Variants in GRIN3A observed in about 807,000 individuals in gnomAD.
GRIN3A encodes the protein glutamate receptor ionotropic, NMDA 3A.
GRIN3A carries 47 observed loss-of-function variants against 92.4 expected under a neutral mutation model. That is an observed-to-expected ratio of 0.51 (90% CI 0.40 to 0.65). The LOEUF (loss-of-function observed/expected upper bound fraction) is 0.65. Among genes scored for constraint, GRIN3A ranks in the 30% least tolerant of loss-of-function variants. GRIN3A has a pLI of 0.00. For synonymous variants in GRIN3A, 527 were observed against 540.6 expected (o/e 0.97, Z 0.35); for missense variants, 1,324 against 1,393.1 (o/e 0.95, Z 0.79).
At chr9:101,597,128 A>G (rs901007240) in intron 6 of GRIN3A, among the ~76,000 whole-genome samples, 1 of 152,194 alleles carries the variant, frequency 6.6e-6, no homozygotes. Context: ...GACAGATTCC[A>G]AGTTAAGACT....
At chr9:101,607,288 G>A (rs2118836448) in intron 6 of GRIN3A, among the ~76,000 whole-genome samples, 1 of 152,168 alleles carries the variant, frequency 6.6e-6, no homozygotes, top group South Asian at 2.1e-4. Flanking sequence ...TGCTAGAAAT[G>A]GGGGAAAAAG....
chr9:101,633,484 G>A (rs764093222), intron 3 of GRIN3A, among the ~76,000 whole-genome samples: 12 of 152,166 alleles, frequency 7.9e-5, no homozygotes, highest in East Asian at 3.9e-4. Context: ...ATCAGTGGAC[G>A]ATTAGCAGGG....
rs973722651 is a variant in GRIN3A, at chr9:101,738,243, G to A, written c.-264C>T. ...CGCTGAGCAGGCAGGCGGGCGGGCC[G>A]GCGCCTGTCACCCGCAGCTGGAGCG... On this transcript the variant is annotated 5_prime_UTR_variant, in exon 1 of 9. Transcript: ENST00000361820. 4 of 516,556 alleles carry A rather than the reference G, an allele frequency of 7.7e-6. No individual in the cohort carries two copies. Among genetic ancestry groups the A allele is most frequent in the Non-Finnish European group, 1.4e-5 (4 of 289,320 alleles). The allele number at this position is 516,556 out of a possible 1,614,324, so 32.0% of individuals were successfully genotyped here. A position where few individuals can be genotyped will look rare whatever the true frequency, so the allele number is the denominator to read the frequency against.
At position 101,700,769 on chromosome 9, in the gene GRIN3A, A is replaced by G. The variant is rs186590415; in HGVS notation, c.700-13569T>C. 4.6e-5 allele frequency among the ~76,000 whole-genome samples: 7 copies of G among 152,328 alleles called. No individual in the cohort carries two copies. The East Asian group carries it at 1.3e-3, about 29-fold the overall frequency. ...GAGGTACCATTATAGAACTGGAGAC[A>G]TAACTGAAATTTCAGTAATCCACAT... On this transcript the variant is annotated intron_variant, in intron 1 of 8. Coordinates refer to ENST00000361820, the MANE Select transcript of GRIN3A (RefSeq NM_133445.3).
intron 5 of GRIN3A, among the ~76,000 whole-genome samples, chr9:101,616,739 G>T (rs62577388): frequency 0.099 from 10,976 of 111,162 alleles, 1,098 homozygotes; most frequent in African/African-American, 0.27. Flanking sequence ...TGGGGACTGT[G>T]GTGGGGTGGG....
At chr9:101,703,152 C>T (rs1829775191) in intron 1 of GRIN3A, among the ~76,000 whole-genome samples, 1 of 152,178 alleles carries the variant, frequency 6.6e-6, no homozygotes, top group African/African-American at 2.4e-5. Context: ...TTTTCCTTTG[C>T]TTAAAACACT....
chr9:101,715,769 G>C (rs1829938409), intron 1 of GRIN3A, among the ~76,000 whole-genome samples: 1 of 152,054 alleles, frequency 6.6e-6, no homozygotes, highest in Non-Finnish European at 1.5e-5. Flanking sequence ...TGATTACTAT[G>C]AGCAAAACAG....
chr9:101,640,902 A>G (rs1828851491), intron 3 of GRIN3A, among the ~76,000 whole-genome samples: 1 of 151,968 alleles, frequency 6.6e-6, no homozygotes, highest in African/African-American at 2.4e-5. Context: ...TTTTCTTTCC[A>G]GTCTCGGTAT....
chr9:101,686,784 T>A lies in GRIN3A; in HGVS notation c.1116A>T (p.Leu372Phe), dbSNP rs749190446. The part of the protein sequence containing the change: ...VEELRTEGLP[L>F]GLIAHGKTTQ... ...TTGTTTTTCCATGAGCAATGAGCCC[T>A]AAGGGCAGACCCTCTGTCCTCAGTT... Residue 372 changes from leucine (L) to phenylalanine (F), a missense_variant, in exon 2 of 9, where the codon TTA (leucine) becomes TTT (phenylalanine). Transcript: ENST00000361820. The A allele has an allele frequency of 1.1e-4, 176 of 1,614,060 alleles. 1 individual carries two copies. The Admixed American group carries it at 2.9e-3, about 27-fold the overall frequency.
At chr9:101,628,893 G>A (rs1438444097) in intron 3 of GRIN3A, among the ~76,000 whole-genome samples, 1 of 152,018 alleles carries the variant, frequency 6.6e-6, no homozygotes, top group Admixed American at 6.6e-5. Context: ...TTTGTTTATT[G>A]AATTTATTTT....
intron 3 of GRIN3A, among the ~76,000 whole-genome samples, chr9:101,647,815 G>A (rs1301180034): frequency 1.3e-5 from 2 of 151,788 alleles, no homozygotes; most frequent in Non-Finnish European, 2.9e-5. Context: ...TTGTAGTTCT[G>A]TGGTATCAGT....
intron 1 of GRIN3A, among the ~76,000 whole-genome samples, chr9:101,718,242 A>C (rs1829971244): frequency 6.6e-6 from 1 of 152,224 alleles, no homozygotes; most frequent in Admixed American, 6.5e-5. Context: ...ACAAATAATT[A>C]CATAACTGTA....
intron 3 of GRIN3A, among the ~76,000 whole-genome samples, chr9:101,667,192 C>T (rs1443710486): frequency 6.6e-6 from 1 of 151,784 alleles, no homozygotes; most frequent in Non-Finnish European, 1.5e-5. Context: ...TACTATATAC[C>T]TATATACTTT....
chr9:101,609,280 T>C (rs1828327026), intron 6 of GRIN3A, among the ~76,000 whole-genome samples: 1 of 152,190 alleles, frequency 6.6e-6, no homozygotes, highest in African/African-American at 2.4e-5. Flanking sequence ...TTCTTTACTT[T>C]GAAAAGAGCC....
chr9:101,600,119 A>G (rs1828192348), intron 6 of GRIN3A, among the ~76,000 whole-genome samples: 1 of 152,202 alleles, frequency 6.6e-6, no homozygotes, highest in African/African-American at 2.4e-5. Flanking sequence ...ACTCATCTGT[A>G]AAACAAGGAT....
chr9:101,736,559 G>A (rs971886633), intron 1 of GRIN3A, among the ~76,000 whole-genome samples: 1 of 151,716 alleles, frequency 6.6e-6, no homozygotes, highest in African/African-American at 2.4e-5. Context: ...CTGAATACCA[G>A]CCTCTGAGTC....
At position 101,737,901 on chromosome 9, in the gene GRIN3A, C is replaced by G. The variant is rs1830238908; in HGVS notation, c.79G>C (p.Gly27Arg). The G allele has an allele frequency of 1.3e-6, 2 of 1,534,936 alleles. No homozygotes were observed. The highest frequency in any genetic ancestry group is 1.2e-5 in the South Asian group (1 of 84,034). ...GGGTGCGAGGAGGAGCTGGGCACCC[C>G]GGCCAGCACCAGTGCGCAGGGCGGC... ...LPPPCALVLA[G>R]VPSSSSHPQP... The change falls in exon 1 of 9, where the codon GGG becomes CGG. Residue 27 changes from glycine to arginine, a missense_variant. Gly to Arg is a moderately radical substitution (Grantham distance 125). Coordinates refer to ENST00000361820, the MANE Select transcript of GRIN3A (RefSeq NM_133445.3).
intron 3 of GRIN3A, among the ~76,000 whole-genome samples, chr9:101,653,381 C>A (rs368102113): frequency 1.9e-4 from 29 of 151,910 alleles, no homozygotes; most frequent in East Asian, 1.6e-3. Flanking sequence ...TCTAAAGTGA[C>A]AAAATACATT....
chr9:101,715,265 G>A (rs1829930514), intron 1 of GRIN3A, among the ~76,000 whole-genome samples: 1 of 148,356 alleles, frequency 6.7e-6, no homozygotes, highest in Non-Finnish European at 1.5e-5. Context: ...GGAATAATAA[G>A]CAGTTAATAA....
Sources: gnomAD v4.1 joint callset for allele counts (sites outside exome capture counted in the v4.1 genomes callset) on GRCh38, gnomAD v4.1.1 for gene constraint, MANE v1.5 for transcripts, NCBI Gene and HGNC (gene_info 2026-07-23, HGNC 2026-07-21) for gene names.